TAF3: variants seen among roughly 807,000 people sequenced by gnomAD.
TAF3 encodes TATA-box binding protein associated factor 3.
A neutral mutation model predicts 80.6 loss-of-function variants in TAF3; 7 were observed. The ratio of observed to expected loss-of-function variants is 0.09; its 90% CI spans 0.05 to 0.16. TAF3 has a LOEUF of 0.16. TAF3 is among the 10% of genes least tolerant of loss of function. The pLI, the probability that TAF3 is intolerant of heterozygous loss-of-function variation, is 1.00. For synonymous variants in TAF3, 444 were observed against 446.1 expected (o/e 1.00, Z 0.06); for missense variants, 921 against 1,140.2 (o/e 0.81, Z 2.77).
chr10:7,950,610 A>C (rs1316844942), intron 2 of TAF3, among the ~76,000 whole-genome samples: 1 of 152,236 alleles, frequency 6.6e-6, no homozygotes, highest in African/African-American at 2.4e-5. Flanking sequence ...GATGTTGATG[A>C]GTGTATATCC....
intron 2 of TAF3, among the ~76,000 whole-genome samples, chr10:7,841,324 T>C (rs1196392029): frequency 2.0e-5 from 3 of 152,196 alleles, no homozygotes; most frequent in Non-Finnish European, 4.4e-5. Flanking sequence ...TGCTTATTTC[T>C]GAAAAGAGAG....
At chr10:7,893,659 G>A (rs984949044) in intron 2 of TAF3, among the ~76,000 whole-genome samples, 2 of 152,104 alleles carry the variant, frequency 1.3e-5, no homozygotes, top group South Asian at 4.1e-4. Flanking sequence ...ACTCTTGCCA[G>A]TTCCTTCTTA....
intron 2 of TAF3, among the ~76,000 whole-genome samples, chr10:7,884,336 C>G (rs1186980114): frequency 6.6e-6 from 1 of 151,196 alleles, no homozygotes; most frequent in African/African-American, 2.4e-5. Flanking sequence ...CTAGGCTCTT[C>G]TTGTACTTCC....
At chr10:7,889,417 A>G (rs1837438722) in intron 2 of TAF3, among the ~76,000 whole-genome samples, 1 of 152,240 alleles carries the variant, frequency 6.6e-6, no homozygotes, top group African/African-American at 2.4e-5. Flanking sequence ...TGTAAGGCAA[A>G]TACTATTCAC....
chr10:7,961,581 GA>G (rs1838190112), intron 2 of TAF3, among the ~76,000 whole-genome samples: 1 of 152,056 alleles, frequency 6.6e-6, no homozygotes, highest in African/African-American at 2.4e-5. Flanking sequence ...CAAAATACCT[GA>G]ACCTGTTTCC....
At chr10:7,891,734 C>G (rs1837458714) in intron 2 of TAF3, among the ~76,000 whole-genome samples, 2 of 152,110 alleles carry the variant, frequency 1.3e-5, no homozygotes, top group Admixed American at 1.3e-4. Context: ...GAATTACCTC[C>G]CAGGAGAGCT....
intron 2 of TAF3, among the ~76,000 whole-genome samples, chr10:7,863,635 A>ATATG (rs1358126286): frequency 3.1e-4 from 37 of 121,024 alleles, no homozygotes; most frequent in African/African-American, 1.0e-3. Context: ...AAATATATAT[A>ATATG]TATATATATA....
At chr10:7,840,123 A>C (rs1318018499) in intron 2 of TAF3, among the ~76,000 whole-genome samples, 1 of 152,108 alleles carries the variant, frequency 6.6e-6, no homozygotes, top group Non-Finnish European at 1.5e-5. Flanking sequence ...TAAATTAACA[A>C]AGTAATTCTA....
At chr10:7,846,189 C>T (rs1178581343) in intron 2 of TAF3, among the ~76,000 whole-genome samples, 9 of 152,086 alleles carry the variant, frequency 5.9e-5, no homozygotes, top group Admixed American at 5.9e-4. Context: ...GATCTCCTGA[C>T]CTCGTGATCT....
chr10:7,924,359 G>A (rs1349930854), intron 2 of TAF3, among the ~76,000 whole-genome samples: 1 of 152,346 alleles, frequency 6.6e-6, no homozygotes, highest in Middle Eastern at 3.4e-3. Context: ...CGTCTGAGTA[G>A]TATGGGCTTT....
chr10:7,903,103 C>G (rs1837574682), intron 2 of TAF3, among the ~76,000 whole-genome samples: 1 of 152,048 alleles, frequency 6.6e-6, no homozygotes, highest in Admixed American at 6.5e-5. Flanking sequence ...ACCCGTGCTC[C>G]CAGCTACTTA....
At chr10:7,912,187 A>T (rs1011962469) in intron 2 of TAF3, among the ~76,000 whole-genome samples, 1 of 152,248 alleles carries the variant, frequency 6.6e-6, no homozygotes, top group African/African-American at 2.4e-5. Flanking sequence ...ACAATAAAAT[A>T]TGAAGTTGAA....
At position 7,964,749 on chromosome 10, in the gene TAF3, G is replaced by A. The variant is rs763960091; in HGVS notation, c.1239G>A (p.Ser413=). 12 of 1,613,986 alleles carry A rather than the reference G, an allele frequency of 7.4e-6. No individual in the cohort carries two copies. The highest frequency in any genetic ancestry group is 5.3e-5 in the African/African-American group (4 of 74,896). The change falls in exon 3 of 7, where the codon TCG becomes TCA. Residue 413 remains serine, a synonymous_variant. Coordinates refer to ENST00000344293, the MANE Select transcript of TAF3 (RefSeq NM_031923.4). This position sits in a 1 kb window ranked among gnomAD's most constrained non-coding sequence, Gnocchi z 4.1. ...EPDPFEFSSG[S]ESEGDIFTSP... The stretch of plus-strand genomic sequence containing the variant: ...ATCCTTTCGAATTTTCTTCTGGATC[G>A]GAATCTGAAGGAGACATTTTTACTA...
intron 2 of TAF3, 86 bp from the exon 3 acceptor site, chr10:7,963,831 AATC>A (rs1831537527): frequency 3.2e-6 from 4 of 1,268,650 alleles, no homozygotes; most frequent in Non-Finnish European, 4.2e-6. Context: ...AGAAAAAAGA[AATC>A]ATATTTGAAG....
intron 4 of TAF3, among the ~76,000 whole-genome samples, chr10:7,991,964 G>C (rs1831840401): frequency 6.6e-6 from 1 of 151,948 alleles, no homozygotes; most frequent in Non-Finnish European, 1.5e-5. Context: ...AAATAACTTG[G>C]GATGTCATTT....
intron 2 of TAF3, among the ~76,000 whole-genome samples, chr10:7,891,852 C>T (rs1021162764): frequency 3.5e-4 from 53 of 152,182 alleles, no homozygotes; most frequent in Non-Finnish European, 6.8e-4. Flanking sequence ...GTTGTATCTA[C>T]CGGACTTAGC....
chr10:7,849,657 TG>T (rs763588042), intron 2 of TAF3, among the ~76,000 whole-genome samples: 1 of 151,902 alleles, frequency 6.6e-6, no homozygotes, highest in African/African-American at 2.4e-5. Flanking sequence ...TAACAACTAT[TG>T]GGGGGGTTCA....
intron 2 of TAF3, among the ~76,000 whole-genome samples, chr10:7,945,961 C>T (rs941566357): frequency 6.6e-6 from 1 of 152,174 alleles, no homozygotes; most frequent in African/African-American, 2.4e-5. Context: ...GGACACAGAT[C>T]TTAACAAATA....
At chr10:7,958,190 C>T (rs993555620) in intron 2 of TAF3, among the ~76,000 whole-genome samples, 1 of 152,026 alleles carries the variant, frequency 6.6e-6, no homozygotes. Context: ...GTATCTTATT[C>T]CAAACACTTA....
Sources: gnomAD v4.1 joint callset for allele counts (sites outside exome capture counted in the v4.1 genomes callset) on GRCh38, gnomAD v4.1.1 for gene constraint, Gnocchi (gnomAD v3.1) non-coding constraint, MANE v1.5 for transcripts, NCBI Gene and HGNC (gene_info 2026-07-23, HGNC 2026-07-21) for gene names.